DGKH: variants seen among roughly 807,000 people sequenced by gnomAD.
DGKH encodes diacylglycerol kinase eta, also known as DAG kinase eta.
In DGKH, 90 loss-of-function variants were observed where a neutral mutation model predicts 159.3. The ratio of observed to expected loss-of-function variants is 0.57; its 90% CI spans 0.48 to 0.67. The LOEUF (loss-of-function observed/expected upper bound fraction) is 0.67. Ranked by LOEUF, DGKH falls within the 30% of genes least tolerant of loss-of-function variation. DGKH has a pLI of 0.00. For missense variants in DGKH, 1,181 were observed against 1,506.1 expected, an observed-to-expected ratio of 0.78 and a Z score of 3.57; for synonymous variants, 536 against 553.8, an observed-to-expected ratio of 0.97 and a Z score of 0.45.
chr13:42,248,433 T>A (rs376221), intron 29 of DGKH, among the ~76,000 whole-genome samples: 49,811 of 146,646 alleles, frequency 0.34, 8,969 homozygotes, highest in Non-Finnish European at 0.41. Flanking sequence ...CTCAAAAAAA[T>A]ATATATATAA....
At chr13:42,141,952 A>T (rs1594083860) in intron 3 of DGKH, among the ~76,000 whole-genome samples, 1 of 151,380 alleles carries the variant, frequency 6.6e-6, no homozygotes, top group East Asian at 1.9e-4. Context: ...TTGGTGTTTT[A>T]GACATGAAGT....
intron 18 of DGKH, 129 bp from the exon 19 acceptor site, chr13:42,199,437 T>C: frequency 3.4e-6 from 2 of 583,524 alleles, no homozygotes; most frequent in African/African-American, 1.9e-5. Flanking sequence ...AGGAAGTGAT[T>C]AGTGCTAAGT....
chr13:42,063,704 C>T (rs983029366), intron 1 of DGKH, among the ~76,000 whole-genome samples: 17 of 152,212 alleles, frequency 1.1e-4, no homozygotes, highest in African/African-American at 3.9e-4. Flanking sequence ...CTTTGGGAAG[C>T]TGAGGCGGGT....
At chr13:42,161,662 C>T (rs1205438692) in intron 7 of DGKH, among the ~76,000 whole-genome samples, 1 of 152,004 alleles carries the variant, frequency 6.6e-6, no homozygotes, top group Non-Finnish European at 1.5e-5. Flanking sequence ...CGCCTGTAAT[C>T]CCAGCTACTC....
At chr13:42,070,888 A>C (rs1486404513) in intron 1 of DGKH, 3 of 1,290,316 alleles carry the variant, frequency 2.3e-6, no homozygotes, top group Non-Finnish European at 3.4e-6. Context: ...AAGTCTTCTA[A>C]TAATCTTGAT....
chr13:42,231,123 G>A lies in DGKH; in HGVS notation c.*1935G>A, dbSNP rs1016513804. 6.6e-6 allele frequency: 1 copy of A among 152,222 alleles called. No homozygotes were observed. The allele number at this position is 152,222 out of a possible 1,614,324, so 9.4% of individuals were successfully genotyped here. ...TAATCCCAGCACTTCGGGAGGTTTAGGTGGGTAGATCACCGGAGGTCAGGA... is the reference window on the plus strand; with the variant it reads ...TAATCCCAGCACTTCGGGAGGTTTAAGTGGGTAGATCACCGGAGGTCAGGA... On this transcript the variant is annotated 3_prime_UTR_variant, in exon 30 of 30. Coordinates refer to ENST00000337343, the MANE Select transcript of DGKH (RefSeq NM_178009.5).
chr13:42,186,954 G>A, intron 13 of DGKH, 95 bp from the exon 14 acceptor site: 1 of 1,064,976 alleles, frequency 9.4e-7, no homozygotes, highest in Non-Finnish European at 1.4e-6. Flanking sequence ...ATATTTGACA[G>A]TTTGCTTAAT....
chr13:42,235,224 A>G lies in DGKH; in HGVS notation c.*6036A>G, dbSNP rs561352365. 25 of 152,272 alleles carry G rather than the reference A, an allele frequency of 1.6e-4. No homozygotes were observed. The South Asian group carries it at 3.7e-3, about 23-fold the overall frequency. 9.4% of individuals were successfully genotyped at this position (152,272 alleles called of 1,614,324 possible). The stretch of plus-strand genomic sequence containing the variant: ...GATTAATTCCCTCCATGTAACTAAG[A>G]TACTCTATTTACATTATTTATATAC... On this transcript the variant is annotated 3_prime_UTR_variant, in exon 30 of 30. Transcript: ENST00000337343.
intron 21 of DGKH, among the ~76,000 whole-genome samples, chr13:42,206,713 G>T (rs1260673889): frequency 3.3e-5 from 5 of 152,086 alleles, no homozygotes; most frequent in African/African-American, 4.8e-5. Context: ...GCAAAGGCAG[G>T]TTGAATCCTT....
At chr13:42,151,478 GGTGT>G (rs143470293) in intron 3 of DGKH, among the ~76,000 whole-genome samples, 49,659 of 126,268 alleles carry the variant, frequency 0.39, 9,674 homozygotes, top group Non-Finnish European at 0.45. Context: ...AGTATTCCAT[GGTGT>G]GTGTGTGTGT....
chr13:42,148,944 C>CTT (rs11287579), intron 3 of DGKH, among the ~76,000 whole-genome samples: 46 of 80,058 alleles, frequency 5.7e-4, no homozygotes, highest in East Asian at 2.0e-3. Context: ...CCCGCCCCTT[C>CTT]TTTTTTTTTT....
chr13:42,054,394 T>G (rs1284273247), intron 1 of DGKH, among the ~76,000 whole-genome samples: 4 of 152,060 alleles, frequency 2.6e-5, no homozygotes, highest in Admixed American at 1.3e-4. Flanking sequence ...CAATATGAAA[T>G]GAGAAGCAAG....
intron 1 of DGKH, among the ~76,000 whole-genome samples, chr13:42,041,978 A>T (rs1880538007): frequency 1.3e-5 from 2 of 152,010 alleles, no homozygotes; most frequent in Non-Finnish European, 2.9e-5. Context: ...TTTCTAGTAT[A>T]TACGCTCTCA....
rs546947098 is a variant in DGKH at position 42,078,106 on chromosome 13, A to C, written c.192+29141A>C. 3.9e-5 allele frequency among the ~76,000 whole-genome samples: 6 copies of C among 152,328 alleles called. No individual in the cohort carries two copies. In the South Asian group the frequency reaches 1.0e-3, roughly 26 times the overall value. On this transcript the variant is annotated intron_variant, in intron 1 of 29. Coordinates refer to ENST00000337343, the MANE Select transcript of DGKH (RefSeq NM_178009.5). ...CTAAAATTACTCTGTTCTTTTTGCA[A>C]ATATAAATATGATACATCAAAGAAT...
At chr13:42,048,552 G>A (rs1181203079), upstream of DGKH, among the ~76,000 whole-genome samples, 6 of 152,196 alleles carry the variant, frequency 3.9e-5, no homozygotes, top group Non-Finnish European at 8.8e-5. This position sits in a 1 kb window ranked among gnomAD's most constrained non-coding sequence, Gnocchi z 6.7. Flanking sequence ...GTCCCACCGT[G>A]GCCGCCGCTC....
At chr13:42,153,788 G>C (rs930622961) in intron 3 of DGKH, 5 of 152,240 alleles carry the variant, frequency 3.3e-5, no homozygotes, top group Non-Finnish European at 7.3e-5. Context: ...TTTATCCAAA[G>C]AGGGTCGTGG....
chr13:42,076,403 C>T lies in DGKH; in HGVS notation c.192+27438C>T, dbSNP rs376287321. 3.1e-4 allele frequency among the ~76,000 whole-genome samples: 47 copies of T among 152,268 alleles called. 1 individual carries two copies. The East Asian group carries it at 5.2e-3, about 17-fold the overall frequency. ...TCTATTACCTGTCATATTCTTGTCA[C>T]GCAAACTTTCTGTACTGGCCTTTTG... On this transcript the variant is annotated intron_variant, in intron 1 of 29. Coordinates refer to ENST00000337343, the MANE Select transcript of DGKH (RefSeq NM_178009.5).
intron 1 of DGKH, among the ~76,000 whole-genome samples, chr13:42,075,469 CATT>C (rs746848252): frequency 4.6e-5 from 7 of 152,172 alleles, no homozygotes; most frequent in Non-Finnish European, 7.3e-5. Context: ...CTTCCACTAT[CATT>C]ATTTTTGCAC....
intron 1 of DGKH, among the ~76,000 whole-genome samples, chr13:42,040,975 C>T (rs1399701908): frequency 1.3e-5 from 2 of 151,302 alleles, no homozygotes; most frequent in South Asian, 2.1e-4. Flanking sequence ...CCCCCTCCCG[C>T]TTCTCCTTTG....
Sources: gnomAD v4.1 joint callset for allele counts (sites outside exome capture counted in the v4.1 genomes callset) on GRCh38, gnomAD v4.1.1 for gene constraint, Gnocchi (gnomAD v3.1) non-coding constraint, MANE v1.5 for transcripts, NCBI Gene and HGNC (gene_info 2026-07-23, HGNC 2026-07-21) for gene names.